The following CFP variants were observed in gnomAD, a reference collection of about 807,000 sequenced individuals.
The protein encoded by CFP is properdin.
CFP carries 14 observed loss-of-function variants against 42.1 expected under a neutral mutation model. The ratio of observed to expected loss-of-function variants is 0.33; its 90% CI spans 0.22 to 0.52. The LOEUF is 0.52. CFP is among the 20% of genes least tolerant of loss of function. The pLI is 0.96. For missense variants in CFP, 318 were observed against 400.4 expected, an observed-to-expected ratio of 0.79 and a Z score of 1.76; for synonymous variants, 149 against 160.6, an observed-to-expected ratio of 0.93 and a Z score of 0.54.
chrX:47,628,904 A>G (rs951812416), intron 2 of CFP: 1 of 159,144 alleles, frequency 6.3e-6, no homozygotes, highest in Non-Finnish European at 1.2e-5. Flanking sequence ...TCAGGAGACT[A>G]GAGCTACCCT....
At position 47,627,806 on chromosome X, in the gene CFP, G is replaced by A. The variant is rs986383423; in HGVS notation, c.404-165C>T. 3.6e-5 allele frequency among the ~76,000 whole-genome samples: 4 copies of A among 111,852 alleles called. 1 individual carries two copies. The highest frequency in any genetic ancestry group is 7.4e-4 in the South Asian group (2 of 2,695). On this transcript the variant is annotated intron_variant, in intron 3 of 8. Coordinates refer to ENST00000396992, the MANE Select transcript of CFP (RefSeq NM_001145252.3). ...GCCTGCCGCAGCAACCTTCACATGG[G>A]TGCCTCCGCTTCCCCTCTCACCCTC...
chrX:47,630,033 TTG>T (rs2057985190), upstream of CFP: 1 of 475,033 alleles, frequency 2.1e-6, no homozygotes, highest in South Asian at 3.1e-5. Flanking sequence ...TGTCTTACTC[TTG>T]GTCTTGTTCT....
At position 47,627,455 on chromosome X, in the gene CFP, G is replaced by A. The variant is rs202033715; in HGVS notation, c.574+16C>T. On this transcript the variant is annotated intron_variant, in intron 4 of 8. Transcript: ENST00000396992. ...CTGGGTGCACCCATCAGCATCCTGT[G>A]GCTTCCCTCACTCACTGGGGCAGAC... 1 of 1,210,254 alleles carries A rather than the reference G, an allele frequency of 8.3e-7. No individual in the cohort carries two copies. The highest frequency in any genetic ancestry group is 1.7e-5 in the African/African-American group (1 of 57,572).
chrX:47,624,259 G>A lies in CFP; in HGVS notation c.*16C>T. On this transcript the variant is annotated 3_prime_UTR_variant, in exon 9 of 9. Coordinates refer to ENST00000396992, the MANE Select transcript of CFP (RefSeq NM_001145252.3). ...GGTTTGGAAGGTCAGGGGGCTCAGAGTGGAGGAGAGAAGTGTTAGAGTTCC... is the reference window on the plus strand; with the variant it reads ...GGTTTGGAAGGTCAGGGGGCTCAGAATGGAGGAGAGAAGTGTTAGAGTTCC... The A allele has an allele frequency of 8.3e-7, 1 of 1,209,468 alleles. No homozygotes were observed.
In CFP at chrX:47,629,857, C is replaced by A; in HGVS notation, c.-13G>T. ...CCTCTGTGATCATGTTGAGTACTGC[C>A]CCCTGCACCTCTACCAGAGAGGAGG... On this transcript the variant is annotated 5_prime_UTR_variant, in exon 1 of 9. Coordinates refer to ENST00000396992, the MANE Select transcript of CFP (RefSeq NM_001145252.3). 8.6e-7 allele frequency: 1 copy of A among 1,164,984 alleles called. No homozygotes were observed. Among genetic ancestry groups the A allele is most frequent in the Non-Finnish European group, 1.1e-6 (1 of 870,730 alleles).
rs773405705 is a variant in CFP, at chrX:47,624,361, G to A, written c.1324C>T (p.Leu442=). The A allele has an allele frequency of 2.5e-5, 30 of 1,206,936 alleles. No individual in the cohort carries two copies. Among genetic ancestry groups the A allele is most frequent in the Non-Finnish European group, 3.2e-5 (29 of 894,220 alleles). Residue 442 remains leucine (L), a synonymous_variant, in exon 9 of 9, where the codon CTA becomes TTA. Coordinates refer to ENST00000396992, the MANE Select transcript of CFP (RefSeq NM_001145252.3). ...TCCACCACCAGCTTCTGCCCTTGTA[G>A]CTCCTCACACCGTGGCAGCGGTCTC... ...WGRPLPRCEE[L]QGQKLVVEEK...
rs758224868 is a variant in CFP at position 47,628,135 on chromosome X, G to A, written c.370C>T (p.Leu124Phe). Reference protein sequence around the residue: ...KVAPGTLEWQLQACEDQQCCP... With the variant: ...KVAPGTLEWQFQACEDQQCCP... ...CACTGCTGGTCCTCACAGGCCTGGA[G>A]CTGCCACTCCAGGGTCCCAGGTGCC... The change falls in exon 3 of 9, where the codon CTC becomes TTC. Residue 124 changes from leucine to phenylalanine, a missense_variant. Coordinates refer to ENST00000396992, the MANE Select transcript of CFP (RefSeq NM_001145252.3). 2.5e-6 allele frequency: 3 copies of A among 1,211,771 alleles called. No homozygotes were observed. In the East Asian group the frequency reaches 8.9e-5, roughly 36 times the overall value.
rs1004423889 is a variant in CFP at position 47,623,846 on chromosome X, A to T, written c.*429T>A. Reference sequence around the variant, plus strand: ...GGTTCCGGCTGGTGGGAATCTAGGGAGGTCCAGGAGACGGGGAGACAACGA... The same window carrying T: ...GGTTCCGGCTGGTGGGAATCTAGGGTGGTCCAGGAGACGGGGAGACAACGA... On this transcript the variant is annotated 3_prime_UTR_variant, in exon 9 of 9. Coordinates refer to ENST00000396992, the MANE Select transcript of CFP (RefSeq NM_001145252.3). 1.4e-5 allele frequency: 2 copies of T among 146,653 alleles called. No homozygotes were observed. The highest frequency in any genetic ancestry group is 3.1e-5 in the African/African-American group (1 of 32,000). The allele number at this position is 146,653 out of a possible 1,213,427, so 12.1% of individuals were successfully genotyped here.
Position 47,624,083 on chromosome X carries a change from A to G in CFP, c.*192T>C, listed in dbSNP as rs1460196241. 2.1e-6 allele frequency: 1 copy of G among 467,993 alleles called. No individual in the cohort carries two copies. The highest frequency in any genetic ancestry group is 3.7e-6 in the Non-Finnish European group (1 of 266,986). The allele number at this position is 467,993 out of a possible 1,213,427, so 38.6% of individuals were successfully genotyped here. On this transcript the variant is annotated 3_prime_UTR_variant, in exon 9 of 9. Transcript: ENST00000396992. The stretch of plus-strand genomic sequence containing the variant: ...CTGCCAACCTGCGACCACAGTGGAA[A>G]ATACTGTTTTCCGCAACAGGCTGCT...
At chrX:47,626,703 G>GC in intron 6 of CFP, 70 bp downstream of exon 6, 8 of 1,133,112 alleles carry the variant, frequency 7.1e-6, no homozygotes, top group Non-Finnish European at 9.5e-6. Flanking sequence ...GGCCTCAGCA[G>GC]CAGGAGCTGG....
At position 47,623,803 on chromosome X, in the gene CFP, C is replaced by A. The variant is rs999347864; in HGVS notation, c.*472G>T. ...CGACTGACGCGGAGTCGGAGTCGGC[C>A]GGCAGAGGCTCCTCCAGGGTTCCGG... On this transcript the variant is annotated 3_prime_UTR_variant, in exon 9 of 9. Transcript: ENST00000396992. 2 of 128,572 alleles carry A rather than the reference C, an allele frequency of 1.6e-5. No homozygotes were observed. Among genetic ancestry groups the A allele is most frequent in the African/African-American group, 3.2e-5 (1 of 31,324 alleles). The allele number at this position is 128,572 out of a possible 1,213,427, so 10.6% of individuals were successfully genotyped here.
At chrX:47,628,338 C>G in intron 2 of CFP, 61 bp from the exon 3 acceptor site, 1 of 1,110,720 alleles carries the variant, frequency 9.0e-7, no homozygotes, top group Non-Finnish European at 1.2e-6. Flanking sequence ...GCATGTGGGA[C>G]TCCAGAGTGT....
chrX:47,629,556 C>A lies in CFP; in HGVS notation c.195G>T (p.Gln65His). ...DCCLNTAFAYQKRSGGLCQPC... is the reference protein window; with the variant it reads ...DCCLNTAFAYHKRSGGLCQPC... ...GCTGACAGAGCCCACCACTACGTTT[C>A]TGGTAGGCAAAGGCAGTGTTGAGAC... The change falls in exon 2 of 9, where the codon CAG becomes CAT. Residue 65 changes from glutamine (Q) to histidine (H), a missense_variant. Coordinates refer to ENST00000396992, the MANE Select transcript of CFP (RefSeq NM_001145252.3). 3.8e-6 allele frequency: 4 copies of A among 1,045,979 alleles called. No homozygotes were observed. The highest frequency in any genetic ancestry group is 5.0e-6 in the Non-Finnish European group (4 of 796,180). The allele number at this position is 1,045,979 out of a possible 1,213,427, so 86.2% of individuals were successfully genotyped here.
rs1455115258 is a variant in CFP at position 47,626,435 on chromosome X, C to G, written c.1025G>C (p.Gly342Ala). ...GCAGGTCCTCCCGCGTGACTGCTGG[C>G]CCGGGATTTCTTGACAGCTGATGGA... ...MKSISCQEIP[G>A]QQSRGRTCRG... The change falls in exon 7 of 9, where the codon GGC becomes GCC. Residue 342 changes from glycine (G) to alanine (A), a missense_variant. Physicochemically the swap from Gly to Ala is moderately conservative, Grantham distance 60. Transcript: ENST00000396992. 1 of 1,209,731 alleles carries G rather than the reference C, an allele frequency of 8.3e-7. No homozygotes were observed. The highest frequency in any genetic ancestry group is 1.1e-6 in the Non-Finnish European group (1 of 895,119).
intron 2 of CFP, chrX:47,628,962 C>T (rs2057980071): frequency 6.3e-6 from 1 of 157,641 alleles, no homozygotes; most frequent in Middle Eastern, 2.8e-3. Flanking sequence ...AGCTGGTATA[C>T]AGGGAGTGCT....
intron 3 of CFP, 88 bp downstream of exon 3, chrX:47,628,014 C>T (rs949425482): frequency 4.2e-5 from 45 of 1,060,219 alleles, no homozygotes; most frequent in Non-Finnish European, 4.6e-5. Context: ...ACACTGGGGA[C>T]GGGCCCACTC....
At position 47,626,108 on chromosome X, in the gene CFP, A is replaced by G; in HGVS notation, c.1194T>C (p.Asn398=). 1 of 1,179,937 alleles carries G rather than the reference A, an allele frequency of 8.5e-7. No homozygotes were observed. The highest frequency in any genetic ancestry group is 1.1e-6 in the Non-Finnish European group (1 of 878,878). Residue 398 remains asparagine (N), a synonymous_variant, in exon 8 of 9, where the codon AAT becomes AAC. Transcript: ENST00000396992. ...AGAGGCGCTGGCGGGCACGGGTAGG[A>G]TTAGGTCCACAGGGGGGCATGCACA... ...WGLCMPPCGP[N]PTRARQRLCT... is the part of the protein sequence containing the mutation.
Position 47,626,841 on chromosome X carries a change from T to C in CFP, c.872A>G (p.His291Arg), listed in dbSNP as rs758696265. The change falls in exon 6 of 9, where the codon CAT becomes CGT. Residue 291 changes from histidine to arginine, a missense_variant. Transcript: ENST00000396992. ...ATCGCCAGCACAGAAGGGGCCCCCA[T>C]GCTGGGGCACAGGGTGATTGCACGT... ...QRTCNHPVPQHGGPFCAGDAT... is the reference protein window; with the variant it reads ...QRTCNHPVPQRGGPFCAGDAT... The C allele has an allele frequency of 8.3e-7, 1 of 1,210,687 alleles. No individual in the cohort carries two copies. The highest frequency in any genetic ancestry group is 1.8e-5 in the South Asian group (1 of 56,666).
chrX:47,628,545 A>G (rs1184310669), intron 2 of CFP: 1 of 481,594 alleles, frequency 2.1e-6, no homozygotes, highest in Non-Finnish European at 3.8e-6. Context: ...CAGTAAGCAA[A>G]GGTAAGGACT....
Sources: gnomAD v4.1 joint callset for allele counts (sites outside exome capture counted in the v4.1 genomes callset) on GRCh38, gnomAD v4.1.1 for gene constraint, MANE v1.5 for transcripts, NCBI Gene and HGNC (gene_info 2026-07-23, HGNC 2026-07-21) for gene names.